REC114: variants seen among roughly 807,000 people sequenced by gnomAD.
REC114 encodes the protein REC114 meiotic recombination protein.
In REC114, 27 loss-of-function variants were observed where a neutral mutation model predicts 31.3. That is an observed-to-expected ratio of 0.86 (90% confidence interval 0.64 to 1.19). The LOEUF is 1.19. Ranked by LOEUF, REC114 falls within the 50% of genes most tolerant of loss-of-function variation. The probability of loss-of-function intolerance (pLI) is 0.00; values close to 1 mark genes in which losing one functional copy is unlikely to be tolerated. For synonymous variants in REC114, 134 were observed against 127.7 expected, an observed-to-expected ratio of 1.05 and a Z score of -0.33; for missense variants, 344 against 326.9, an observed-to-expected ratio of 1.05 and a Z score of -0.40.
intron 1 of REC114, among the ~76,000 whole-genome samples, chr15:73,449,121 G>C (rs1392228195): frequency 1.3e-5 from 2 of 152,092 alleles, no homozygotes; most frequent in South Asian, 2.1e-4. Context: ...CGCCAGCAAG[G>C]GAACAAAACT....
At chr15:73,530,662 T>C (rs1441600568) in intron 2 of REC114, among the ~76,000 whole-genome samples, 1 of 152,034 alleles carries the variant, frequency 6.6e-6, no homozygotes, top group Non-Finnish European at 1.5e-5. Flanking sequence ...AAAAAGAAAA[T>C]GTAATTTTAG....
At chr15:73,446,580 CA>C (rs1397518269) in intron 1 of REC114, among the ~76,000 whole-genome samples, 1 of 151,384 alleles carries the variant, frequency 6.6e-6, no homozygotes, top group Non-Finnish European at 1.5e-5. Context: ...GCTGAGGTTG[CA>C]GTGAGCTGAG....
intron 1 of REC114, among the ~76,000 whole-genome samples, chr15:73,452,735 C>G (rs545310814): frequency 2.6e-4 from 40 of 152,198 alleles, no homozygotes; most frequent in Admixed American, 7.9e-4. Flanking sequence ...TCAAACTATA[C>G]TACAAGTCTA....
intron 2 of REC114, among the ~76,000 whole-genome samples, chr15:73,511,769 A>G (rs1469851459): frequency 6.8e-6 from 1 of 146,664 alleles, no homozygotes; most frequent in Non-Finnish European, 1.5e-5. Flanking sequence ...TGAGATTCTT[A>G]ATCCTGAGTT....
intron 2 of REC114, among the ~76,000 whole-genome samples, chr15:73,486,857 A>G (rs1265143346): frequency 6.6e-6 from 1 of 152,108 alleles, no homozygotes; most frequent in Non-Finnish European, 1.5e-5. Flanking sequence ...ACCAACATGG[A>G]GAAACCCCAT....
intron 2 of REC114, among the ~76,000 whole-genome samples, chr15:73,488,884 C>T (rs1198359447): frequency 1.3e-5 from 2 of 152,178 alleles, no homozygotes; most frequent in Admixed American, 1.3e-4. Context: ...GTTTCAGAGC[C>T]ACTTCCCCAT....
chr15:73,479,598 G>A (rs1171875689), intron 2 of REC114, among the ~76,000 whole-genome samples: 1 of 151,640 alleles, frequency 6.6e-6, no homozygotes, highest in Admixed American at 6.6e-5. Context: ...ACCTTCCCTG[G>A]CCCACCCCTA....
At chr15:73,527,005 T>G (rs1251944955) in intron 2 of REC114, among the ~76,000 whole-genome samples, 1 of 151,896 alleles carries the variant, frequency 6.6e-6, no homozygotes, top group Non-Finnish European at 1.5e-5. Context: ...AGAGATAGGG[T>G]CTCATTATGT....
chr15:73,517,223 C>T (rs61615643), intron 2 of REC114, among the ~76,000 whole-genome samples: 9,789 of 152,202 alleles, frequency 0.064, 663 homozygotes, highest in African/African-American at 0.17. Flanking sequence ...AAGATTTAGT[C>T]TTTAGCTTGA....
In REC114 at chr15:73,559,980, AAAG is replaced by A. The variant is rs1275155382; in HGVS notation, c.*69_*71del. On this transcript the variant is annotated 3_prime_UTR_variant, in exon 6 of 6. Transcript: ENST00000331090. ...TTGAAAAATGCTTCCTCCTAAAATT[AAAG>A]AAGATATTAGAATAAAGAGTATTAT... is the stretch of plus-strand genomic sequence containing the variant. 15 of 1,408,256 alleles carry A rather than the reference AAAG, an allele frequency of 1.1e-5. No homozygotes were observed. The highest frequency in any genetic ancestry group is 7.4e-5 in the African/African-American group (5 of 67,132). The allele number at this position is 1,408,256 out of a possible 1,614,324, so 87.2% of individuals were successfully genotyped here.
chr15:73,540,819 T>A (rs898819533), intron 3 of REC114, among the ~76,000 whole-genome samples: 2 of 152,190 alleles, frequency 1.3e-5, no homozygotes, highest in African/African-American at 4.8e-5. Flanking sequence ...GTGCAGCCAT[T>A]CTCTATCCCC....
chr15:73,535,137 T>G (rs986856390), intron 2 of REC114, among the ~76,000 whole-genome samples: 1 of 143,462 alleles, frequency 7.0e-6, no homozygotes, highest in Non-Finnish European at 1.5e-5. Flanking sequence ...GGATGCCCTC[T>G]CTCACCACTC....
chr15:73,484,067 G>C (rs1893333741), intron 2 of REC114: 1 of 152,238 alleles, frequency 6.6e-6, no homozygotes, highest in Admixed American at 6.5e-5. Flanking sequence ...TTGTTGTTGT[G>C]TTGTGGAATT....
intron 1 of REC114, among the ~76,000 whole-genome samples, chr15:73,455,650 A>G (rs1271603025): frequency 6.6e-6 from 1 of 152,226 alleles, no homozygotes; most frequent in African/African-American, 2.4e-5. Flanking sequence ...TTCATTATGT[A>G]TACTGATTTG....
Position 73,556,382 on chromosome 15 carries a change from GT to G in REC114, c.629del (p.Leu210Ter), listed in dbSNP as rs751926956. 2 of 1,613,356 alleles carry G rather than the reference GT, an allele frequency of 1.2e-6. No homozygotes were observed. Among genetic ancestry groups the G allele is most frequent in the South Asian group, 2.2e-5 (2 of 91,042 alleles). On this transcript the variant is annotated frameshift_variant, in exon 5 of 6. Coordinates refer to ENST00000331090, the MANE Select transcript of REC114 (RefSeq NM_001042367.2). LOFTEE classifies it high-confidence loss of function. ...CAGACGGAAGGACCTCACTGACGCA[GT>G]TAGCTCAGGTAGAGCTTATTTCTGT... Reference protein sequence around the residue: ...APDGRTSLTQLAQTLLASEEL... With the variant: ...APDGRTSLTQXAQTLLASEEL...
At chr15:73,543,313 C>T (rs1894264743) in intron 3 of REC114, among the ~76,000 whole-genome samples, 1 of 151,964 alleles carries the variant, frequency 6.6e-6, no homozygotes, top group Non-Finnish European at 1.5e-5. Context: ...AACCATTTGC[C>T]TGTTATTGTC....
At chr15:73,539,640 T>C (rs780897237) in intron 2 of REC114, among the ~76,000 whole-genome samples, 40 of 151,782 alleles carry the variant, frequency 2.6e-4, no homozygotes, top group Admixed American at 5.9e-4. Flanking sequence ...GAGTTGGGGA[T>C]TTCTCAGATT....
intron 1 of REC114, among the ~76,000 whole-genome samples, chr15:73,466,272 C>T (rs890718287): frequency 5.3e-5 from 8 of 151,712 alleles, no homozygotes; most frequent in East Asian, 3.9e-4. Context: ...TAAGCATTTC[C>T]GACTGGGTTC....
chr15:73,524,089 A>G (rs369874507), intron 2 of REC114, among the ~76,000 whole-genome samples: 2 of 152,350 alleles, frequency 1.3e-5, no homozygotes, highest in African/African-American at 2.4e-5. Flanking sequence ...ATAAACATCT[A>G]CTAACTTGTT....
Sources: gnomAD v4.1 joint callset for allele counts (sites outside exome capture counted in the v4.1 genomes callset) on GRCh38, gnomAD v4.1.1 for gene constraint, MANE v1.5 for transcripts, NCBI Gene and HGNC (gene_info 2026-07-23, HGNC 2026-07-21) for gene names.